The following TMPRSS11F variants were observed in gnomAD, a reference collection of about 807,000 sequenced individuals.
TMPRSS11F encodes transmembrane serine protease 11F.
Under a neutral mutation model 60.2 loss-of-function variants are expected in TMPRSS11F, and 47 were observed. The observed-to-expected ratio is 0.78, with a 90% CI of 0.62 to 1.00. TMPRSS11F has a LOEUF of 1.00. TMPRSS11F is among the 50% of genes least tolerant of loss of function. The pLI, the probability that TMPRSS11F is intolerant of heterozygous loss-of-function variation, is 0.00. For synonymous variants in TMPRSS11F, 166 were observed against 167.3 expected, an observed-to-expected ratio of 0.99 and a Z score of 0.06; for missense variants, 519 against 522.9, an observed-to-expected ratio of 0.99 and a Z score of 0.07.
In TMPRSS11F at chr4:68,053,786, G is replaced by A. The variant is rs1722987809; in HGVS notation, c.*123C>T. On this transcript the variant is annotated 3_prime_UTR_variant, in exon 10 of 10. Coordinates refer to ENST00000356291, the MANE Select transcript of TMPRSS11F (RefSeq NM_207407.2). ...CACCTCAGGATATTAGATTTGTCTGGGTCTGAAGGGCTTCTTGACATCTAG... is the reference window on the plus strand; with the variant it reads ...CACCTCAGGATATTAGATTTGTCTGAGTCTGAAGGGCTTCTTGACATCTAG... The A allele has an allele frequency of 1.0e-6, 1 of 953,032 alleles. No individual in the cohort carries two copies. Among genetic ancestry groups the A allele is most frequent in the South Asian group, 1.9e-5 (1 of 53,344 alleles). 59.0% of individuals were successfully genotyped at this position (953,032 alleles called of 1,614,324 possible).
At chr4:68,088,214 G>C (rs1253958892) in intron 3 of TMPRSS11F, among the ~76,000 whole-genome samples, 1 of 150,916 alleles carries the variant, frequency 6.6e-6, no homozygotes, top group Non-Finnish European at 1.5e-5. Flanking sequence ...CAAGCAAATG[G>C]AAAACAAAAA....
At chr4:68,123,742 G>C (rs977365040) in intron 1 of TMPRSS11F, among the ~76,000 whole-genome samples, 1 of 152,132 alleles carries the variant, frequency 6.6e-6, no homozygotes, top group African/African-American at 2.4e-5. Flanking sequence ...TGATTTGCTA[G>C]AGAGGAGAGA....
At position 68,069,919 on chromosome 4, in the gene TMPRSS11F, A is replaced by T. The variant is rs149994120; in HGVS notation, c.553+50T>A. ...TGCCAACTTTTCTATAACTTTTTTC[A>T]TGATCTTTTACTGTGAAATAAACAG... is the stretch of plus-strand genomic sequence containing the variant. On this transcript the variant is annotated intron_variant, in intron 6 of 9. Coordinates refer to ENST00000356291, the MANE Select transcript of TMPRSS11F (RefSeq NM_207407.2). 20 of 1,451,416 alleles carry T rather than the reference A, an allele frequency of 1.4e-5. No individual in the cohort carries two copies. In the African/African-American group the frequency reaches 2.1e-4, roughly 16 times the overall value. The allele number at this position is 1,451,416 out of a possible 1,614,324, so 89.9% of individuals were successfully genotyped here. A position where few individuals can be genotyped will look rare whatever the true frequency, so the allele number is the denominator to read the frequency against.
At chr4:68,095,583 TA>T (rs1724055527) in intron 2 of TMPRSS11F, among the ~76,000 whole-genome samples, 1 of 152,120 alleles carries the variant, frequency 6.6e-6, no homozygotes. Flanking sequence ...AACAGTTTGG[TA>T]TTATCCATGA....
At chr4:68,070,370 T>G (rs529986650) in intron 5 of TMPRSS11F, among the ~76,000 whole-genome samples, 2 of 152,198 alleles carry the variant, frequency 1.3e-5, no homozygotes, top group Non-Finnish European at 2.9e-5. Context: ...CCCATCACAG[T>G]TGGTGTTTAC....
In TMPRSS11F at chr4:68,090,535, CTGA is replaced by C. The variant is rs1560402908; in HGVS notation, c.267_269del (p.His89del). On this transcript the variant is annotated inframe_deletion, in exon 3 of 10. Transcript: ENST00000356291. Reference sequence around the variant, plus strand: ...CTGTTGAGCTTACCATTCTTTCAATCTGATGACTCCTTTCTATAAACTCTCTTG... The same window carrying C: ...CTGTTGAGCTTACCATTCTTTCAATCTGACTCCTTTCTATAAACTCTCTTG... 1.9e-6 allele frequency: 3 copies of C among 1,586,270 alleles called. No individual in the cohort carries two copies. Among genetic ancestry groups the C allele is most frequent in the East Asian group, 4.5e-5 (2 of 44,384 alleles).
In TMPRSS11F at chr4:68,097,656, A is replaced by G. The variant is rs574317414; in HGVS notation, c.163+1231T>C. Among the ~76,000 whole-genome samples the G allele has an allele frequency of 3.3e-5, 5 of 152,110 alleles. No homozygotes were observed. The South Asian group carries it at 1.0e-3, about 32-fold the overall frequency. The stretch of plus-strand genomic sequence containing the variant: ...TATTCAGCCTATGACAACCTCTAAG[A>G]TTTTTTTAATGGCTAAAATGCTTTT... On this transcript the variant is annotated intron_variant, in intron 2 of 9. Coordinates refer to ENST00000356291, the MANE Select transcript of TMPRSS11F (RefSeq NM_207407.2).
At chr4:68,088,488 A>G (rs960870677) in intron 3 of TMPRSS11F, among the ~76,000 whole-genome samples, 1 of 151,636 alleles carries the variant, frequency 6.6e-6, no homozygotes, top group Non-Finnish European at 1.5e-5. Context: ...GATCAACGAG[A>G]CAGAAAGTCA....
intron 2 of TMPRSS11F, among the ~76,000 whole-genome samples, chr4:68,091,781 C>CTCTA (rs200246480): frequency 8.4e-6 from 1 of 118,692 alleles, no homozygotes; most frequent in African/African-American, 3.6e-5. Context: ...CTCTCTCTCT[C>CTCTA]TCTATCTATC....
At chr4:68,069,495 A>T (rs1335599426) in intron 6 of TMPRSS11F, among the ~76,000 whole-genome samples, 1 of 152,182 alleles carries the variant, frequency 6.6e-6, no homozygotes. Flanking sequence ...AAAGTGTTAC[A>T]ACATTTTTAA....
At chr4:68,121,305 C>T (rs1310256281) in intron 1 of TMPRSS11F, among the ~76,000 whole-genome samples, 3 of 151,906 alleles carry the variant, frequency 2.0e-5, no homozygotes, top group African/African-American at 7.3e-5. Context: ...ACTGAGTATG[C>T]GAAAACACCT....
chr4:68,088,086 A>G (rs1195780154), intron 3 of TMPRSS11F, among the ~76,000 whole-genome samples: 2 of 152,060 alleles, frequency 1.3e-5, no homozygotes, highest in African/African-American at 4.8e-5. Flanking sequence ...TCCATGGTGT[A>G]TATAGACTGG....
intron 1 of TMPRSS11F, among the ~76,000 whole-genome samples, chr4:68,108,495 C>T (rs1270614148): frequency 1.3e-5 from 2 of 152,150 alleles, no homozygotes; most frequent in Admixed American, 6.5e-5. Context: ...GGACTACAGT[C>T]GCTTCAGCAA....
chr4:68,129,768 G>A (rs758880833), intron 1 of TMPRSS11F, 42 bp downstream of exon 1: 2 of 1,603,812 alleles, frequency 1.2e-6, no homozygotes, highest in African/African-American at 2.7e-5. Context: ...GTAAACCTCT[G>A]TCCCCACTGA....
chr4:68,117,786 C>A (rs1320305305), intron 1 of TMPRSS11F, among the ~76,000 whole-genome samples: 1 of 152,126 alleles, frequency 6.6e-6, no homozygotes, highest in Non-Finnish European at 1.5e-5. Flanking sequence ...CCTTAAAACA[C>A]ATTCCTACAA....
chr4:68,098,674 T>C (rs1724127891), intron 2 of TMPRSS11F, among the ~76,000 whole-genome samples: 1 of 152,216 alleles, frequency 6.6e-6, no homozygotes, highest in South Asian at 2.1e-4. Flanking sequence ...TTCTTTTAGA[T>C]ACGTCTATCA....
At chr4:68,066,394 C>T (rs78505229) in intron 7 of TMPRSS11F, among the ~76,000 whole-genome samples, 1,776 of 152,194 alleles carry the variant, frequency 0.012, 44 homozygotes, top group African/African-American at 0.04. Context: ...ACCTGATAGG[C>T]CAATTTAACA....
chr4:68,099,177 G>T, intron 1 of TMPRSS11F, 139 bp from the exon 2 acceptor site: 2 of 664,096 alleles, frequency 3.0e-6, no homozygotes, highest in South Asian at 2.8e-5. Context: ...AGAACAGTAG[G>T]TTTTAATTTG....
chr4:68,075,829 C>T (rs1171110267), intron 3 of TMPRSS11F, among the ~76,000 whole-genome samples: 4 of 151,882 alleles, frequency 2.6e-5, no homozygotes, highest in Admixed American at 6.6e-5. Context: ...CCCGTCTCTA[C>T]TAAAAATACA....
Sources: allele counts gnomAD v4.1 joint callset (sites outside exome capture counted in the v4.1 genomes callset), GRCh38; gene constraint gnomAD v4.1.1; transcripts MANE v1.5; gene names NCBI Gene and HGNC (gene_info 2026-07-23, HGNC 2026-07-21).